The following MSH3 variants were observed in gnomAD, a reference collection of about 807,000 sequenced individuals.
The protein encoded by MSH3 is DNA mismatch repair protein Msh3.
In MSH3, 106 loss-of-function variants were observed where a neutral mutation model predicts 123.3. That is an observed-to-expected ratio of 0.86 (90% CI 0.73 to 1.01). MSH3 has a LOEUF of 1.01. Among genes scored for constraint, MSH3 ranks in the 50% least tolerant of loss-of-function variants. MSH3 has a pLI of 0.00. For missense variants in MSH3, 1,459 were observed against 1,347.6 expected (o/e 1.08, Z -1.29); for synonymous variants, 515 against 481.4 (o/e 1.07, Z -0.91).
At chr5:80,813,846 T>A in intron 20 of MSH3, 105 bp downstream of exon 20, 1 of 1,252,042 alleles carries the variant, frequency 8.0e-7, no homozygotes, top group Non-Finnish European at 1.2e-6. Flanking sequence ...CTTAAAGCAC[T>A]CAACATTTAG....
intron 22 of MSH3, among the ~76,000 whole-genome samples, chr5:80,872,689 TC>T (rs1266984191): frequency 6.6e-6 from 1 of 151,866 alleles, no homozygotes; most frequent in Non-Finnish European, 1.5e-5. Flanking sequence ...GAACCTGTAG[TC>T]CTAGCTACTT....
chr5:80,813,231 A>C (rs1745039740), intron 19 of MSH3, among the ~76,000 whole-genome samples: 1 of 152,190 alleles, frequency 6.6e-6, no homozygotes, highest in Non-Finnish European at 1.5e-5. Context: ...ATAGATATGT[A>C]ATACCTGTTG....
At chr5:80,693,608 TATACAC>T (rs1750394567) in intron 8 of MSH3, among the ~76,000 whole-genome samples, 3 of 132,630 alleles carry the variant, frequency 2.3e-5, no homozygotes, top group South Asian at 2.3e-4. Flanking sequence ...AACATACATA[TATACAC>T]ACACACATAT....
chr5:80,826,060 C>T (rs568366492), intron 20 of MSH3, among the ~76,000 whole-genome samples: 5 of 152,306 alleles, frequency 3.3e-5, no homozygotes, highest in African/African-American at 1.2e-4. Context: ...TTTTCCCCTT[C>T]GCTTCTTTTA....
chr5:80,681,536 A>G (rs1455976956), intron 8 of MSH3, among the ~76,000 whole-genome samples: 1 of 151,970 alleles, frequency 6.6e-6, no homozygotes, highest in South Asian at 2.1e-4. Flanking sequence ...ATGAATATAG[A>G]AATGGAATGG....
Position 80,775,677 on chromosome 5 carries a change from AT to A in MSH3, c.2254-14del. 1 of 1,362,844 alleles carries A rather than the reference AT, an allele frequency of 7.3e-7. No individual in the cohort carries two copies. The highest frequency in any genetic ancestry group is 1.0e-6 in the Non-Finnish European group (1 of 954,002). The allele number at this position is 1,362,844 out of a possible 1,614,324, so 84.4% of individuals were successfully genotyped here. On this transcript the variant is annotated splice_polypyrimidine_tract_variant and intron_variant, in intron 15 of 23. Transcript: ENST00000265081. ...TGGTTACTTATCTAAATCTCTGTTT[AT>A]TTGTATTTGTTTTAGTTTATGATAG...
At position 80,692,765 on chromosome 5, in the gene MSH3, T is replaced by C. The variant is rs193006249; in HGVS notation, c.1340+13672T>C. Reference sequence around the variant, plus strand: ...ATGTATATGTTTAGATAAATATACATACACATGTATATGTTTGATAAATAT... The same window carrying C: ...ATGTATATGTTTAGATAAATATACACACACATGTATATGTTTGATAAATAT... On this transcript the variant is annotated intron_variant, in intron 8 of 23. Coordinates refer to ENST00000265081, the MANE Select transcript of MSH3 (RefSeq NM_002439.5). Among the ~76,000 whole-genome samples the C allele has an allele frequency of 3.7e-3, 368 of 100,384 alleles. 10 individuals are homozygous for C. Among genetic ancestry groups the C allele is most frequent in the African/African-American group, 0.012 (354 of 30,110 alleles). 65.9% of individuals were successfully genotyped at this position (100,384 alleles called of 152,430 possible).
intron 10 of MSH3, among the ~76,000 whole-genome samples, chr5:80,729,572 G>A (rs1449770942): frequency 1.3e-5 from 2 of 151,700 alleles, no homozygotes; most frequent in Non-Finnish European, 1.5e-5. Flanking sequence ...ACTGGACCCA[G>A]AAATAGTATT....
chr5:80,679,426 G>A (rs941202225), intron 8 of MSH3, among the ~76,000 whole-genome samples: 4 of 152,146 alleles, frequency 2.6e-5, no homozygotes, highest in Non-Finnish European at 1.5e-5. Context: ...TAGAACTTTA[G>A]AAGGCAGTCT....
chr5:80,714,656 A>G (rs1750922162), intron 8 of MSH3, among the ~76,000 whole-genome samples: 1 of 152,184 alleles, frequency 6.6e-6, no homozygotes, highest in Non-Finnish European at 1.5e-5. Context: ...GTCCATTTTT[A>G]TCAAACTTAA....
intron 8 of MSH3, among the ~76,000 whole-genome samples, chr5:80,709,830 G>T (rs150775254): frequency 6.6e-6 from 1 of 152,288 alleles, no homozygotes; most frequent in Non-Finnish European, 1.5e-5. Context: ...AGAGGTAGAT[G>T]AGGTGGTATT....
chr5:80,665,187 G>A lies in MSH3; in HGVS notation c.403G>A (p.Glu135Lys). 1 of 1,614,054 alleles carries A rather than the reference G, an allele frequency of 6.2e-7. No homozygotes were observed. Among genetic ancestry groups the A allele is most frequent in the Non-Finnish European group, 8.5e-7 (1 of 1,179,976 alleles). The change falls in exon 3 of 24, where the codon GAA becomes AAA. Residue 135 changes from glutamate (E) to lysine (K), a missense_variant. By Grantham distance (56) the Glu-to-Lys change is moderately conservative. Transcript: ENST00000265081. ...LRTRNVSKSL[E>K]KLKEFCCDSA... ...GACCAGGAATGTTTCAAAGTCTCTG[G>A]AAAAATTGAAAGAATTCTGCTGCGA...
chr5:80,673,685 G>T (rs1245157223), intron 6 of MSH3, among the ~76,000 whole-genome samples: 2 of 152,134 alleles, frequency 1.3e-5, no homozygotes, highest in Non-Finnish European at 2.9e-5. Flanking sequence ...TTTTGAAAAT[G>T]GGCTGTGGGT....
chr5:80,855,602 C>T (rs1250567868), intron 21 of MSH3: 2 of 152,198 alleles, frequency 1.3e-5, no homozygotes, highest in Non-Finnish European at 2.9e-5. Context: ...TTCCTGACTA[C>T]CTTGCTGTGA....
intron 21 of MSH3, among the ~76,000 whole-genome samples, chr5:80,857,643 G>C (rs1329092425): frequency 6.6e-6 from 1 of 152,118 alleles, no homozygotes; most frequent in Admixed American, 6.5e-5. Flanking sequence ...TGTTTTTCAA[G>C]AAATTTTCAC....
chr5:80,699,693 A>G (rs1331992188), intron 8 of MSH3, among the ~76,000 whole-genome samples: 1 of 152,052 alleles, frequency 6.6e-6, no homozygotes, highest in Admixed American at 6.6e-5. Context: ...ACTCTTTTGG[A>G]AAGATCATAT....
At chr5:80,850,534 A>T (rs993679971) in intron 20 of MSH3, among the ~76,000 whole-genome samples, 8 of 152,184 alleles carry the variant, frequency 5.3e-5, no homozygotes, top group Non-Finnish European at 7.3e-5. Flanking sequence ...GTCACATCTT[A>T]TGGGGATGGC....
At chr5:80,872,321 G>A (rs1746227629) in intron 22 of MSH3, among the ~76,000 whole-genome samples, 1 of 151,650 alleles carries the variant, frequency 6.6e-6, no homozygotes, top group Non-Finnish European at 1.5e-5. Flanking sequence ...AAAAAAATTA[G>A]CTAGGTGTGG....
chr5:80,799,500 C>CTTTTTTTTTTTTTT (rs746348952), intron 19 of MSH3, among the ~76,000 whole-genome samples: 1 of 32,324 alleles, frequency 3.1e-5, no homozygotes, highest in African/African-American at 1.3e-4. Flanking sequence ...GAAGATAGCA[C>CTTTTTTTTTTTTTT]TTTTTTTTTT....
Sources: gnomAD v4.1 joint callset for allele counts (sites outside exome capture counted in the v4.1 genomes callset) on GRCh38, gnomAD v4.1.1 for gene constraint, MANE v1.5 for transcripts, NCBI Gene and HGNC (gene_info 2026-07-23, HGNC 2026-07-21) for gene names.